The following MYH7B variants were observed in gnomAD, a reference collection of about 807,000 sequenced individuals.
The protein encoded by MYH7B is myosin-7B.
Under a neutral mutation model 234.5 loss-of-function variants are expected in MYH7B, and 205 were observed. The ratio of observed to expected loss-of-function variants is 0.87; its 90% CI spans 0.78 to 0.98. The LOEUF is 0.98. Ranked by LOEUF, MYH7B falls within the 50% of genes least tolerant of loss-of-function variation. The probability of loss-of-function intolerance (pLI) is 0.00; values close to 1 mark genes in which losing one functional copy is unlikely to be tolerated. For missense variants in MYH7B, 2,652 were observed against 2,633.4 expected, an observed-to-expected ratio of 1.01 and a Z score of -0.15; for synonymous variants, 1,193 against 1,105.0, an observed-to-expected ratio of 1.08 and a Z score of -1.58.
At chr20:34,965,243 C>T (rs546108256) in intron 2 of MYH7B, among the ~76,000 whole-genome samples, 4 of 152,320 alleles carry the variant, frequency 2.6e-5, no homozygotes, top group Middle Eastern at 3.4e-3. Flanking sequence ...CAGAGCAACT[C>T]TGAGGGTTTG....
At chr20:34,979,034 AG>A (rs1166070008) in intron 5 of MYH7B, among the ~76,000 whole-genome samples, 1 of 152,092 alleles carries the variant, frequency 6.6e-6, no homozygotes, top group African/African-American at 2.4e-5. Flanking sequence ...CCTGATATTG[AG>A]GGGCTGCTCT....
At chr20:34,996,631 C>G (rs1276476801) in exon 30 of MYH7B, 4 of 1,611,988 alleles carry the variant, frequency 2.5e-6, no homozygotes, top group Admixed American at 1.7e-5. Flanking sequence ...CTCCCTGGAG[C>G]AGGAGAAGAA....
Position 35,002,231 on chromosome 20 carries a change from C to T in MYH7B, c.*43C>T, listed in dbSNP as rs142729534. 501 of 1,505,026 alleles carry T rather than the reference C, an allele frequency of 3.3e-4. 2 individuals are homozygous for T. The East Asian group carries it at 9.0e-3, about 27-fold the overall frequency. The allele number at this position is 1,505,026 out of a possible 1,614,324, so 93.2% of individuals were successfully genotyped here. A position where few individuals can be genotyped will look rare whatever the true frequency, so the allele number is the denominator to read the frequency against. ...CTCTAAAGAGGAATGTCTGCTGTTG[C>T]ACATCTGGCTGAGGCCACCTGCCCC... On this transcript the variant is annotated 3_prime_UTR_variant, in exon 45 of 45. Coordinates refer to ENST00000262873, the Ensembl canonical transcript of MYH7B.
At chr20:34,990,372 C>T (rs754376027) in intron 22 of MYH7B, 62 bp downstream of exon 22, 5 of 1,577,138 alleles carry the variant, frequency 3.2e-6, no homozygotes, top group East Asian at 2.2e-5. Context: ...GTCCTTCACC[C>T]CCTGCCCTGT....
chr20:35,000,478 A>T, exon 39 of MYH7B: 1 of 1,600,744 alleles, frequency 6.2e-7, no homozygotes, highest in South Asian at 1.1e-5. Flanking sequence ...ATGCAGGCAC[A>T]GCTCAAGGAG....
chr20:34,998,768 ACCT>A (rs756056106), exon 35 of MYH7B: 4 of 1,612,744 alleles, frequency 2.5e-6, no homozygotes, highest in African/African-American at 2.7e-5. Context: ...CACGACTGTG[ACCT>A]CCTGCGGGAG....
intron 3 of MYH7B, among the ~76,000 whole-genome samples, chr20:34,976,638 G>C (rs778898118): frequency 2.0e-5 from 3 of 152,146 alleles, no homozygotes; most frequent in Non-Finnish European, 4.4e-5. Flanking sequence ...GCTCCTAACT[G>C]GGTTACATTT....
At chr20:34,998,229 C>A in intron 32 of MYH7B, 66 bp from the exon 33 acceptor site, 1 of 1,575,864 alleles carries the variant, frequency 6.3e-7, no homozygotes. Context: ...CAGATCCTGC[C>A]ATCTGATGCA....
intron 1 of MYH7B, among the ~76,000 whole-genome samples, chr20:34,957,672 T>C (rs2081654491): frequency 1.3e-5 from 2 of 152,168 alleles, no homozygotes; most frequent in South Asian, 4.2e-4. Context: ...GTATTTTTGG[T>C]AGAGACAGGG....
intron 7 of MYH7B, 34 bp downstream of exon 7, chr20:34,979,838 G>C (rs1569035242): frequency 6.2e-7 from 1 of 1,604,608 alleles, no homozygotes; most frequent in East Asian, 2.2e-5. Context: ...GGCGGGGTGG[G>C]GCTTGTATGT....
exon 15 of MYH7B, chr20:34,986,988 A>C (rs768698709): frequency 6.2e-7 from 1 of 1,612,712 alleles, no homozygotes; most frequent in South Asian, 1.1e-5. Flanking sequence ...ATCGCCACCG[A>C]CGTATGAGCT....
chr20:34,995,611 T>A (rs781108011), intron 28 of MYH7B, 33 bp downstream of exon 28: 1 of 1,609,258 alleles, frequency 6.2e-7, no homozygotes, highest in Non-Finnish European at 8.5e-7. Context: ...GGAAGGGCCC[T>A]GAGCCAGGGG....
rs2081934505 is a variant in MYH7B, at chr20:34,981,027, C to T, written c.500-6C>T. The T allele has an allele frequency of 6.8e-6, 11 of 1,614,146 alleles. No homozygotes were observed. Among genetic ancestry groups the T allele is most frequent in the Non-Finnish European group, 8.5e-6 (10 of 1,180,010 alleles). ...TGACTTCTCTATCCCCTTCCCTTTCCTCCAGACCGAGACAACCAGTCCATG... is the reference window on the plus strand; with the variant it reads ...TGACTTCTCTATCCCCTTCCCTTTCTTCCAGACCGAGACAACCAGTCCATG... On this transcript the variant is annotated splice_polypyrimidine_tract_variant and splice_region_variant and intron_variant, in intron 8 of 44. Coordinates refer to ENST00000262873, the Ensembl canonical transcript of MYH7B.
Position 34,994,402 on chromosome 20 carries a change from G to GT in MYH7B, c.2700+2dup. Reference sequence around the variant, plus strand: ...TGACCTGGCCCTGCAGCTGCAGGCTGTGAGTCAGGGTTCCCCTTGTGACCG... The same window carrying GT: ...TGACCTGGCCCTGCAGCTGCAGGCTGTTGAGTCAGGGTTCCCCTTGTGACCG... On this transcript the variant is annotated splice_donor_variant, in intron 27 of 44. Coordinates refer to ENST00000262873, the Ensembl canonical transcript of MYH7B. LOFTEE classifies it high-confidence loss of function. 6.4e-7 allele frequency: 1 copy of GT among 1,569,536 alleles called. No homozygotes were observed. The highest frequency in any genetic ancestry group is 1.2e-5 in the South Asian group (1 of 84,376).
chr20:34,965,591 G>A (rs2147152531), intron 2 of MYH7B, among the ~76,000 whole-genome samples: 1 of 152,354 alleles, frequency 6.6e-6, no homozygotes, highest in East Asian at 1.9e-4. Flanking sequence ...GGGGTAGACA[G>A]ATGATAATAA....
chr20:34,980,421 C>A, intron 7 of MYH7B, 157 bp from the exon 8 acceptor site: 1 of 667,964 alleles, frequency 1.5e-6, no homozygotes, highest in Non-Finnish European at 2.7e-6. Context: ...TGGTGGCACG[C>A]GCTTGTAGTC....
intron 26 of MYH7B, 111 bp downstream of exon 26, chr20:34,993,581 T>G: frequency 1.6e-6 from 2 of 1,255,436 alleles, no homozygotes; most frequent in Non-Finnish European, 2.1e-6. Flanking sequence ...TCAGCCCCTG[T>G]GGCTGGTTGG....
chr20:34,980,659 A>G lies in MYH7B; in HGVS notation c.424A>G (p.Lys142Glu), dbSNP rs2081928011. Residue 142 changes from lysine (K) to glutamate (E), a missense_variant, in exon 8 of 45, where the codon AAG becomes GAG. Physicochemically the swap from Lys to Glu is moderately conservative, Grantham distance 56. Transcript: ENST00000262873. ...TACGGCCTCCGTAGTGGCTGCTTACAAGGGAAAGCGCCGCTCAGATTCCCC... is the reference window on the plus strand; with the variant it reads ...TACGGCCTCCGTAGTGGCTGCTTACGAGGGAAAGCGCCGCTCAGATTCCCC... 1.2e-5 allele frequency: 20 copies of G among 1,614,166 alleles called. No homozygotes were observed. The East Asian group carries it at 4.2e-4, about 34-fold the overall frequency.
chr20:34,956,448 T>C (rs2081634951), intron 1 of MYH7B, among the ~76,000 whole-genome samples: 1 of 152,124 alleles, frequency 6.6e-6, no homozygotes, highest in Non-Finnish European at 1.5e-5. Context: ...CCCACCTCAT[T>C]GCTTGGCAGC....
Sources: allele counts gnomAD v4.1 joint callset (sites outside exome capture counted in the v4.1 genomes callset), GRCh38; gene constraint gnomAD v4.1.1; transcripts MANE v1.5; gene names NCBI Gene and HGNC (gene_info 2026-07-23, HGNC 2026-07-21).